Variants in PLXDC2 observed in about 807,000 individuals in gnomAD.
PLXDC2 encodes plexin domain-containing protein 2.
In PLXDC2, 40 loss-of-function variants were observed where a neutral mutation model predicts 68.9. That is an observed-to-expected ratio of 0.58 (90% CI 0.45 to 0.76). The LOEUF is 0.76. Among genes scored for constraint, PLXDC2 ranks in the 30% least tolerant of loss-of-function variants. The probability of loss-of-function intolerance (pLI) is 0.00; values close to 1 mark genes in which losing one functional copy is unlikely to be tolerated. For missense variants in PLXDC2, 644 were observed against 661.9 expected (o/e 0.97, Z 0.30); for synonymous variants, 243 against 234.2 (o/e 1.04, Z -0.34).
chr10:20,229,129 A>G (rs993678827), intron 12 of PLXDC2, among the ~76,000 whole-genome samples: 18 of 152,170 alleles, frequency 1.2e-4, no homozygotes, highest in African/African-American at 2.4e-5. Context: ...AAAGAGTCAA[A>G]AGATGACTGG....
chr10:20,035,848 A>G (rs905501586), intron 2 of PLXDC2, among the ~76,000 whole-genome samples: 6 of 152,154 alleles, frequency 3.9e-5, no homozygotes, highest in Admixed American at 6.6e-5. Flanking sequence ...ACAGAAGTTG[A>G]TTGTGTGAAA....
At position 19,834,329 on chromosome 10, in the gene PLXDC2, TAGAGAG is replaced by T. The variant is rs72293743; in HGVS notation, c.112+17159_112+17164del. On this transcript the variant is annotated intron_variant, in intron 1 of 13. Coordinates refer to ENST00000377252, the MANE Select transcript of PLXDC2 (RefSeq NM_032812.9). Reference sequence around the variant, plus strand: ...ACAAAATCACAGAGAAAGAGAGAGGTAGAGAGAGAGAGAGAGAGAGAGAGAGTGTGT... The same window carrying T: ...ACAAAATCACAGAGAAAGAGAGAGGTAGAGAGAGAGAGAGAGAGAGTGTGT... Among the ~76,000 whole-genome samples the T allele has an allele frequency of 7.2e-3, 1,047 of 145,292 alleles. 3 individuals carry two copies. The highest frequency in any genetic ancestry group is 0.017 in the East Asian group (80 of 4,836).
chr10:20,123,335 A>G (rs562583073), intron 4 of PLXDC2, among the ~76,000 whole-genome samples: 13 of 152,186 alleles, frequency 8.5e-5, no homozygotes, highest in East Asian at 1.9e-4. Context: ...AAGATTTGGG[A>G]TGAGTTGCAT....
At chr10:20,216,013 C>A (rs983883014) in intron 10 of PLXDC2, among the ~76,000 whole-genome samples, 1 of 151,264 alleles carries the variant, frequency 6.6e-6, no homozygotes, top group Non-Finnish European at 1.5e-5. Flanking sequence ...GCCCCCATGG[C>A]GGGTCTGTGT....
chr10:20,223,972 A>ATTT (rs10561584), intron 12 of PLXDC2, among the ~76,000 whole-genome samples: 1 of 133,452 alleles, frequency 7.5e-6, no homozygotes, highest in Non-Finnish European at 1.6e-5. Context: ...CCTAGAATGT[A>ATTT]TTTTTTTTTT....
intron 9 of PLXDC2, among the ~76,000 whole-genome samples, chr10:20,188,734 TAAAAG>T (rs1050685416): frequency 6.6e-6 from 1 of 151,848 alleles, no homozygotes; most frequent in African/African-American, 2.4e-5. Context: ...TTGAGCCTGA[TAAAAG>T]AAAGTAAGAA....
intron 3 of PLXDC2, among the ~76,000 whole-genome samples, chr10:20,067,419 C>T (rs912210169): frequency 1.3e-5 from 2 of 152,136 alleles, no homozygotes; most frequent in Non-Finnish European, 2.9e-5. Flanking sequence ...GGCATGGTGG[C>T]TCACGCCTGT....
chr10:20,185,244 G>A (rs1011783392), intron 9 of PLXDC2, among the ~76,000 whole-genome samples: 4 of 151,280 alleles, frequency 2.6e-5, no homozygotes, highest in African/African-American at 9.7e-5. Context: ...CTTTATGTAG[G>A]GTCAACCCAA....
chr10:20,144,454 A>G (rs2131793036), intron 5 of PLXDC2, among the ~76,000 whole-genome samples: 1 of 152,312 alleles, frequency 6.6e-6, no homozygotes, highest in East Asian at 1.9e-4. Flanking sequence ...ATAGTTAGAC[A>G]TTCACCTTAG....
At chr10:20,171,956 G>A (rs927737840) in intron 7 of PLXDC2, among the ~76,000 whole-genome samples, 11 of 152,230 alleles carry the variant, frequency 7.2e-5, no homozygotes, top group African/African-American at 2.4e-4. Context: ...GGTGGGAGCA[G>A]GGAGAGGGTT....
Position 19,913,338 on chromosome 10 carries a change from C to A in PLXDC2, c.113-88437C>A, listed in dbSNP as rs537679803. Among the ~76,000 whole-genome samples the A allele has an allele frequency of 5.9e-5, 9 of 152,132 alleles. No homozygotes were observed. In the South Asian group the frequency reaches 1.9e-3, roughly 32 times the overall value. Reference sequence around the variant, plus strand: ...CCTCCTGCTCTCCCTTTCCTTCCACCGTGATTGTAAGTTTCCTGAGACCTC... The same window carrying A: ...CCTCCTGCTCTCCCTTTCCTTCCACAGTGATTGTAAGTTTCCTGAGACCTC... On this transcript the variant is annotated intron_variant, in intron 1 of 13. Coordinates refer to ENST00000377252, the MANE Select transcript of PLXDC2 (RefSeq NM_032812.9).
intron 4 of PLXDC2, among the ~76,000 whole-genome samples, chr10:20,125,917 T>G (rs113729277): frequency 0.025 from 3,062 of 123,276 alleles, 67 homozygotes; most frequent in African/African-American, 0.078. Context: ...TTTTACTCCT[T>G]GCAGAGAGAA....
chr10:20,070,619 G>A (rs1049194452), intron 4 of PLXDC2, among the ~76,000 whole-genome samples: 8 of 152,128 alleles, frequency 5.3e-5, no homozygotes, highest in African/African-American at 1.9e-4. Flanking sequence ...AATAAGCCAT[G>A]AATCATATCC....
chr10:20,001,799 C>T lies in PLXDC2; in HGVS notation c.137C>T (p.Ala46Val), dbSNP rs1347983050. The change falls in exon 2 of 14, where the codon GCC (alanine) becomes GTC (valine). Residue 46 changes from alanine (A) to valine (V), a missense_variant. Coordinates refer to ENST00000377252, the MANE Select transcript of PLXDC2 (RefSeq NM_032812.9). ...ILDWQYGVTQ[A>V]FPHTEEEVEV... ...GATTGGCAGTATGGAGTTACTCAGG[C>T]CTTCCCTCACACAGAGGAGGAGGTG... is the stretch of plus-strand genomic sequence containing the variant. 6.2e-7 allele frequency: 1 copy of T among 1,613,974 alleles called. No individual in the cohort carries two copies. The highest frequency in any genetic ancestry group is 8.5e-7 in the Non-Finnish European group (1 of 1,179,952).
At chr10:19,896,637 G>A (rs1021951218) in intron 1 of PLXDC2, among the ~76,000 whole-genome samples, 8 of 152,080 alleles carry the variant, frequency 5.3e-5, no homozygotes, top group Non-Finnish European at 1.0e-4. Flanking sequence ...TTTGAGCTTC[G>A]TGGATGGCAG....
At chr10:20,066,086 A>G (rs189152683) in intron 3 of PLXDC2, among the ~76,000 whole-genome samples, 2 of 152,382 alleles carry the variant, frequency 1.3e-5, no homozygotes, top group East Asian at 1.9e-4. Context: ...TTTAGCAGAC[A>G]GTATCTTCCT....
intron 10 of PLXDC2, among the ~76,000 whole-genome samples, chr10:20,213,574 T>G (rs1835097945): frequency 6.6e-6 from 1 of 152,130 alleles, no homozygotes; most frequent in African/African-American, 2.4e-5. Flanking sequence ...TCAATACATC[T>G]TACTAACATT....
At chr10:20,194,637 TTA>T (rs907042777) in intron 9 of PLXDC2, among the ~76,000 whole-genome samples, 4 of 151,440 alleles carry the variant, frequency 2.6e-5, no homozygotes, top group African/African-American at 7.3e-5. Context: ...TAAATTTATT[TTA>T]TATATATATA....
At chr10:20,022,205 T>G (rs1014091097) in intron 2 of PLXDC2, among the ~76,000 whole-genome samples, 3 of 152,238 alleles carry the variant, frequency 2.0e-5, no homozygotes, top group East Asian at 1.9e-4. Context: ...TCCTAGATTG[T>G]GTTCATCTAT....
Sources: allele counts gnomAD v4.1 joint callset (sites outside exome capture counted in the v4.1 genomes callset), GRCh38; gene constraint gnomAD v4.1.1; transcripts MANE v1.5; gene names NCBI Gene and HGNC (gene_info 2026-07-23, HGNC 2026-07-21).